Variants in NLGN1 observed in about 807,000 individuals in gnomAD.
NLGN1 encodes the protein neuroligin-1.
NLGN1 carries 12 observed loss-of-function variants against 65.5 expected under a neutral mutation model. That is an observed-to-expected ratio of 0.18 (90% CI 0.12 to 0.30). The LOEUF (loss-of-function observed/expected upper bound fraction) is 0.30, where lower values mean the gene tolerates loss of function less well. Among genes scored for constraint, NLGN1 ranks in the 10% least tolerant of loss-of-function variants. The probability of loss-of-function intolerance (pLI) is 1.00; values close to 1 mark genes in which losing one functional copy is unlikely to be tolerated. For synonymous variants in NLGN1, 350 were observed against 359.5 expected (o/e 0.97, Z 0.30); for missense variants, 750 against 1,007.1 (o/e 0.74, Z 3.46).
intron 2 of NLGN1, among the ~76,000 whole-genome samples, chr3:173,527,182 G>C (rs1361352569): frequency 2.6e-5 from 4 of 152,124 alleles, no homozygotes; most frequent in Non-Finnish European, 5.9e-5. Context: ...CAGCAACAGT[G>C]TATGAGGGTT....
At chr3:173,923,585 A>G (rs1873585) in intron 4 of NLGN1, among the ~76,000 whole-genome samples, 45,403 of 151,822 alleles carry the variant, frequency 0.3, 7,830 homozygotes, top group African/African-American at 0.48. Context: ...AAATTTTGAG[A>G]AAATATTCTT....
chr3:174,035,763 A>G (rs1730994266), intron 4 of NLGN1, among the ~76,000 whole-genome samples: 2 of 152,144 alleles, frequency 1.3e-5, no homozygotes, highest in Non-Finnish European at 2.9e-5. Flanking sequence ...GTGATCCGCA[A>G]TTCCATTTCA....
chr3:173,409,972 G>A (rs1036091136), intron 1 of NLGN1, among the ~76,000 whole-genome samples: 5 of 152,124 alleles, frequency 3.3e-5, no homozygotes, highest in Admixed American at 2.6e-4. Flanking sequence ...TGAGGAATTT[G>A]GGTCTGGGAA....
intron 4 of NLGN1, among the ~76,000 whole-genome samples, chr3:173,966,732 A>G (rs1714955864): frequency 6.6e-6 from 1 of 152,214 alleles, no homozygotes; most frequent in East Asian, 1.9e-4. Flanking sequence ...AAAGCATAAT[A>G]TAAAAATAGA....
chr3:173,517,880 T>C (rs975723473), intron 2 of NLGN1, among the ~76,000 whole-genome samples: 4 of 152,070 alleles, frequency 2.6e-5, no homozygotes, highest in Non-Finnish European at 4.4e-5. Flanking sequence ...TTCCAATATA[T>C]AGATGTGTTA....
intron 4 of NLGN1, among the ~76,000 whole-genome samples, chr3:174,080,151 T>A (rs1741845258): frequency 6.6e-6 from 1 of 152,182 alleles, no homozygotes; most frequent in Non-Finnish European, 1.5e-5. Flanking sequence ...CAATCAAACA[T>A]TTCACCAGTG....
At chr3:174,001,529 T>C (rs1723285190) in intron 4 of NLGN1, among the ~76,000 whole-genome samples, 1 of 152,198 alleles carries the variant, frequency 6.6e-6, no homozygotes, top group South Asian at 2.1e-4. Flanking sequence ...ACTAAAAGTC[T>C]ACAAAGTAAA....
chr3:174,069,382 C>T (rs1739339749), intron 4 of NLGN1, among the ~76,000 whole-genome samples: 2 of 152,016 alleles, frequency 1.3e-5, no homozygotes, highest in Admixed American at 1.3e-4. Flanking sequence ...GTGCCCAGGC[C>T]TCATGAGACA....
intron 3 of NLGN1, among the ~76,000 whole-genome samples, chr3:173,652,819 T>G (rs576110048): frequency 1.3e-5 from 2 of 152,316 alleles, no homozygotes; most frequent in East Asian, 3.9e-4. Context: ...GCATTGAATC[T>G]GTAGATTGCT....
chr3:174,016,611 G>T (rs1015039069), intron 4 of NLGN1, among the ~76,000 whole-genome samples: 15 of 152,166 alleles, frequency 9.9e-5, no homozygotes, highest in Non-Finnish European at 7.3e-5. Flanking sequence ...ACTCTCTGTA[G>T]ATGCTTATAA....
intron 4 of NLGN1, among the ~76,000 whole-genome samples, chr3:174,040,945 C>T (rs896843139): frequency 2.6e-4 from 40 of 152,056 alleles, no homozygotes; most frequent in African/African-American, 8.5e-4. Flanking sequence ...TCAACATGTA[C>T]GTCATTAACT....
chr3:173,467,145 T>G (rs1366319006), intron 2 of NLGN1, among the ~76,000 whole-genome samples: 1 of 152,134 alleles, frequency 6.6e-6, no homozygotes, highest in African/African-American at 2.4e-5. Flanking sequence ...TTTAAGTAAT[T>G]GAAATATTTT....
rs78861927 is a variant in NLGN1, at chr3:173,939,820, C to T, written c.646+131988C>T. ...TTTTGTTTTTGTTTTTGTTTTGCCT[C>T]GCTGATGCCTAAAATATCTAATCAA... is the stretch of plus-strand genomic sequence containing the variant. On this transcript the variant is annotated intron_variant, in intron 4 of 6. Coordinates refer to ENST00000457714, the Ensembl canonical transcript of NLGN1. Among the ~76,000 whole-genome samples, 120 of 152,008 alleles carry T rather than the reference C, an allele frequency of 7.9e-4. 1 individual carries two copies. In the East Asian group the frequency reaches 0.017, roughly 22 times the overall value.
intron 2 of NLGN1, among the ~76,000 whole-genome samples, chr3:173,590,553 A>G (rs1251277895): frequency 3.3e-5 from 5 of 152,158 alleles, no homozygotes; most frequent in Non-Finnish European, 5.9e-5. Flanking sequence ...TTCATCGCCT[A>G]GAGAACAGTA....
chr3:174,130,998 C>T (rs1305719233), intron 4 of NLGN1, among the ~76,000 whole-genome samples: 1 of 152,088 alleles, frequency 6.6e-6, no homozygotes, highest in Admixed American at 6.5e-5. Context: ...TCATGTGATT[C>T]TTACTCATCA....
chr3:174,030,516 G>A (rs7644596), intron 4 of NLGN1, among the ~76,000 whole-genome samples: 40,332 of 152,014 alleles, frequency 0.27, 6,426 homozygotes, highest in African/African-American at 0.44. Context: ...TTAAATTTCC[G>A]TGTAAGCTGT....
At chr3:173,991,281 G>C (rs567708075) in intron 4 of NLGN1, among the ~76,000 whole-genome samples, 37 of 152,030 alleles carry the variant, frequency 2.4e-4, no homozygotes, top group Non-Finnish European at 5.1e-4. Context: ...TAATTTAATA[G>C]AAAATACCTT....
At chr3:174,127,088 A>C (rs1719105733) in intron 4 of NLGN1, among the ~76,000 whole-genome samples, 1 of 152,162 alleles carries the variant, frequency 6.6e-6, no homozygotes, top group Admixed American at 6.5e-5. Flanking sequence ...CACCAAAAGA[A>C]GCTAAAAATG....
At chr3:174,287,786 A>G (rs1339737828), downstream of NLGN1, among the ~76,000 whole-genome samples, 1 of 151,370 alleles carries the variant, frequency 6.6e-6, no homozygotes, top group East Asian at 1.9e-4. Context: ...TCCATGGCCT[A>G]TCCTATTACT....
Sources: allele counts gnomAD v4.1 joint callset (sites outside exome capture counted in the v4.1 genomes callset), GRCh38; gene constraint gnomAD v4.1.1; transcripts MANE v1.5; gene names NCBI Gene and HGNC (gene_info 2026-07-23, HGNC 2026-07-21).